The following KEAP1 variants were observed in gnomAD, a reference collection of about 807,000 sequenced individuals.
KEAP1 encodes kelch like ECH associated protein 1, also known as kelch-like ECH-associated protein 1.
A neutral mutation model predicts 59.7 loss-of-function variants in KEAP1; 26 were observed. That is an observed-to-expected ratio of 0.44 (90% confidence interval 0.32 to 0.60). The LOEUF is 0.60. Among genes scored for constraint, KEAP1 ranks in the 20% least tolerant of loss-of-function variants. The probability of loss-of-function intolerance (pLI) is 0.06; values close to 1 mark genes in which losing one functional copy is unlikely to be tolerated. For synonymous variants in KEAP1, 350 were observed against 358.3 expected (o/e 0.98, Z 0.26); for missense variants, 539 against 871.4 (o/e 0.62, Z 4.80).
At chr19:10,489,884 G>A (rs2144591701) in intron 3 of KEAP1, 31 bp from the exon 4 acceptor site, 2 of 1,590,302 alleles carry the variant, frequency 1.3e-6, no homozygotes, top group Middle Eastern at 1.7e-4. Flanking sequence ...TGGGGACAAT[G>A]GCCATTATAG....
chr19:10,499,542 G>A lies in KEAP1; in HGVS notation c.492C>T (p.Ile164=), dbSNP rs757575410. 7 of 1,614,036 alleles carry A rather than the reference G, an allele frequency of 4.3e-6. No individual in the cohort carries two copies. Among genetic ancestry groups the A allele is most frequent in the East Asian group, 4.5e-5 (2 of 44,902 alleles). The change falls in exon 2 of 6, where the codon ATC becomes ATT. Residue 164 remains isoleucine (I), a synonymous_variant. Transcript: ENST00000171111. This position sits in a 1 kb window ranked among gnomAD's most constrained non-coding sequence, Gnocchi z 6.7. ...HVMNGAVMYQ[I]DSVVRACSDF... is the part of the protein sequence containing the mutation. ...CACTGCAGGCACGGACAACGCTGTC[G>A]ATCTGGTACATGACAGCACCGTTCA...
intron 5 of KEAP1, among the ~76,000 whole-genome samples, chr19:10,488,610 CAAAAAACAAA>C: frequency 7.3e-6 from 1 of 136,822 alleles, no homozygotes; most frequent in African/African-American, 2.8e-5. Context: ...GACTCTGTCT[CAAAAAACAAA>C]ACAAAACAAA....
At chr19:10,493,941 C>A (rs1014312072) in intron 2 of KEAP1, among the ~76,000 whole-genome samples, 3 of 152,038 alleles carry the variant, frequency 2.0e-5, no homozygotes, top group African/African-American at 7.2e-5. Flanking sequence ...GCCACCGGAC[C>A]TGGCCTGTTT....
intron 1 of KEAP1, among the ~76,000 whole-genome samples, chr19:10,500,828 C>T (rs540195347): frequency 1.3e-5 from 2 of 151,980 alleles, no homozygotes; most frequent in East Asian, 1.9e-4. Flanking sequence ...TACAGGCGTC[C>T]GCCACCACAC....
intron 5 of KEAP1, among the ~76,000 whole-genome samples, chr19:10,488,632 C>T (rs1481169329): frequency 2.2e-5 from 3 of 136,624 alleles, no homozygotes; most frequent in Non-Finnish European, 4.7e-5. Context: ...CAAAACAAAA[C>T]AAAACAAAAA....
chr19:10,487,595 G>A (rs936677173), intron 5 of KEAP1, among the ~76,000 whole-genome samples: 1 of 152,096 alleles, frequency 6.6e-6, no homozygotes, highest in African/African-American at 2.4e-5. Context: ...GGCGGAGGTT[G>A]CAGTGAGCTG....
intron 2 of KEAP1, among the ~76,000 whole-genome samples, chr19:10,493,197 C>T (rs1448278512): frequency 1.3e-5 from 2 of 149,344 alleles, no homozygotes; most frequent in African/African-American, 2.5e-5. Context: ...CTTGCTCTGT[C>T]GCCCAGGCTG....
intron 2 of KEAP1, among the ~76,000 whole-genome samples, chr19:10,498,706 A>T (rs991022565): frequency 2.0e-5 from 3 of 152,096 alleles, no homozygotes; most frequent in African/African-American, 7.2e-5. Flanking sequence ...GCTGCTGTTC[A>T]CTGCACTCTG....
chr19:10,486,577 T>C lies in KEAP1; in HGVS notation c.*75A>G, dbSNP rs2144576505. On this transcript the variant is annotated 3_prime_UTR_variant, in exon 6 of 6. Transcript: ENST00000171111. ...GGTTATTTGCAGTGCTGTCTTTTCT[T>C]TTAGTCCCGGTTTTTGTACAAAAAC... 2.1e-6 allele frequency: 3 copies of C among 1,438,902 alleles called. No individual in the cohort carries two copies. Among genetic ancestry groups the C allele is most frequent in the Non-Finnish European group, 2.9e-6 (3 of 1,043,390 alleles). The allele number at this position is 1,438,902 out of a possible 1,614,324, so 89.1% of individuals were successfully genotyped here.
intron 3 of KEAP1, 87 bp from the exon 4 acceptor site, chr19:10,489,940 T>C (rs1356327632): frequency 4.0e-6 from 4 of 1,009,440 alleles, no homozygotes; most frequent in Non-Finnish European, 5.6e-6. Context: ...TTTTTTTTCC[T>C]TTTTTTTTTC....
At chr19:10,500,825 G>A (rs867441768) in intron 1 of KEAP1, among the ~76,000 whole-genome samples, 5 of 151,932 alleles carry the variant, frequency 3.3e-5, no homozygotes, top group East Asian at 1.9e-4. Flanking sequence ...GACTACAGGC[G>A]TCCGCCACCA....
intron 2 of KEAP1, among the ~76,000 whole-genome samples, chr19:10,495,308 A>G (rs1375101011): frequency 1.3e-5 from 2 of 152,154 alleles, no homozygotes. Flanking sequence ...CAACTCACCC[A>G]TCTTGTTTTT....
intron 4 of KEAP1, 25 bp from the exon 5 acceptor site, chr19:10,489,393 T>C (rs781037533): frequency 1.9e-6 from 3 of 1,599,062 alleles, no homozygotes; most frequent in Admixed American, 3.4e-5. Flanking sequence ...GCAGAGAAGG[T>C]GACTCTGGGG....
At chr19:10,490,216 C>T (rs1914621602) in intron 3 of KEAP1, 2 of 208,008 alleles carry the variant, frequency 9.6e-6, no homozygotes, top group East Asian at 2.5e-4. Context: ...CATGCCACTG[C>T]ACTCCAACCT....
rs748304013 is a variant in KEAP1, at chr19:10,489,733, G to A, written c.1446C>T (p.Asn482=). The A allele has an allele frequency of 6.2e-7, 1 of 1,613,988 alleles. No individual in the cohort carries two copies. The highest frequency in any genetic ancestry group is 1.1e-5 in the South Asian group (1 of 91,078). ...LYAVGGFDGT[N]RLNSAECYYP... ...AGTAACACTCAGCTGAATTAAGGCG[G>A]TTTGTCCCGTCAAAGCCCCCCACGG... Residue 482 remains asparagine (N), a synonymous_variant, in exon 4 of 6, where the codon AAC becomes AAT. Coordinates refer to ENST00000171111, the MANE Select transcript of KEAP1 (RefSeq NM_203500.2).
chr19:10,489,626 C>T (rs2144589071), intron 4 of KEAP1, 22 bp downstream of exon 4: 2 of 1,611,856 alleles, frequency 1.2e-6, no homozygotes, highest in East Asian at 2.2e-5. Flanking sequence ...TGGGTGCTCC[C>T]CTCCCTACCG....
rs1386181681 is a variant in KEAP1 at position 10,491,752 on chromosome 19, G to A, written c.1150C>T (p.Pro384Ser). Residue 384 changes from proline (P) to serine (S), a missense_variant, in exon 3 of 6, where the codon CCC (proline) becomes TCC (serine). Pro to Ser is a moderately conservative substitution (Grantham distance 74, BLOSUM62 -1). Coordinates refer to ENST00000171111, the MANE Select transcript of KEAP1 (RefSeq NM_203500.2). The surrounding 1 kb of genome is among the most constrained non-coding windows in gnomAD (Gnocchi z 5.2). The part of the protein sequence containing the change: ...LYAVGGRNNS[P>S]DGNTDSSALD... ...GCGCTGGAGTCGGTGTTGCCGTCGGGCGAGTTGTTCCTGCCGCCCACGGCG... is the reference window on the plus strand; with the variant it reads ...GCGCTGGAGTCGGTGTTGCCGTCGGACGAGTTGTTCCTGCCGCCCACGGCG... 1 of 1,568,010 alleles carries A rather than the reference G, an allele frequency of 6.4e-7. No homozygotes were observed. The highest frequency in any genetic ancestry group is 8.7e-7 in the Non-Finnish European group (1 of 1,156,052).
intron 2 of KEAP1, among the ~76,000 whole-genome samples, chr19:10,496,246 A>G (rs1914843644): frequency 6.6e-6 from 1 of 151,588 alleles, no homozygotes; most frequent in South Asian, 2.1e-4. Flanking sequence ...ACGTAATCCC[A>G]GCACTTTGGG....
At chr19:10,501,426 G>A (rs374598076) in intron 1 of KEAP1, among the ~76,000 whole-genome samples, 5 of 151,904 alleles carry the variant, frequency 3.3e-5, no homozygotes, top group African/African-American at 1.2e-4. Context: ...TCAGAAGATC[G>A]AGACCATCCT....
Sources: allele counts gnomAD v4.1 joint callset (sites outside exome capture counted in the v4.1 genomes callset), GRCh38; gene constraint gnomAD v4.1.1; non-coding constraint Gnocchi (gnomAD v3.1); transcripts MANE v1.5; gene names NCBI Gene and HGNC (gene_info 2026-07-23, HGNC 2026-07-21).